Variants in ZNF208 observed in about 807,000 individuals in gnomAD.
The protein encoded by ZNF208 is zinc finger protein 95.
ZNF208 carries 10 observed loss-of-function variants against 12.1 expected under a neutral mutation model. The ratio of observed to expected loss-of-function variants is 0.83; its 90% CI spans 0.51 to 1.40. The LOEUF is 1.40. ZNF208 is among the 40% of genes most tolerant of loss of function. The pLI, the probability that ZNF208 is intolerant of heterozygous loss-of-function variation, is 0.00. For missense variants in ZNF208, 1,652 were observed against 1,485.0 expected (o/e 1.11, Z -1.85); for synonymous variants, 497 against 488.4 (o/e 1.02, Z -0.23).
chr19:21,977,852 G>C, intron 3 of ZNF208, among the ~76,000 whole-genome samples: 1 of 152,236 alleles, frequency 6.6e-6, no homozygotes, highest in East Asian at 1.9e-4. Context: ...CTGGCTGCAA[G>C]CACAGCAGTC....
chr19:21,990,449 GATAT>G (rs1970712246), intron 1 of ZNF208, among the ~76,000 whole-genome samples: 1 of 24,792 alleles, frequency 4.0e-5, no homozygotes, highest in East Asian at 2.1e-3. Context: ...CTATATCTCT[GATAT>G]CTCTGTTTTG....
intron 4 of ZNF208, among the ~76,000 whole-genome samples, chr19:21,955,036 A>G (rs1027276638): frequency 3.2e-4 from 49 of 152,202 alleles, no homozygotes; most frequent in Admixed American, 2.0e-4. Flanking sequence ...GGTGGTGACA[A>G]AATCTCTCAG....
Position 21,973,474 on chromosome 19 carries a change from A to G in ZNF208, c.1560T>C (p.Thr520=), listed in dbSNP as rs776394652. Residue 520 remains threonine, a synonymous_variant, in exon 4 of 4, where the codon ACT becomes ACC. Transcript: ENST00000397126. ...SNLMEHKRIH[T]GEKPYKCEEC... ...CTTCACATTTGTAGGGTTTCTCTCC[A>G]GTATGAATTCTCTTATGTTCCATAA... The G allele has an allele frequency of 3.7e-6, 6 of 1,613,204 alleles. No individual in the cohort carries two copies. Among genetic ancestry groups the G allele is most frequent in the Non-Finnish European group, 5.1e-6 (6 of 1,179,858 alleles).
At chr19:21,962,161 A>C (rs987620715), downstream of ZNF208, among the ~76,000 whole-genome samples, 23 of 152,126 alleles carry the variant, frequency 1.5e-4, no homozygotes, top group African/African-American at 5.6e-4. Context: ...AAATCTTCAC[A>C]ATTTATGTTC....
intron 4 of ZNF208, among the ~76,000 whole-genome samples, chr19:21,948,166 A>G (rs1475021382): frequency 2.0e-5 from 3 of 152,242 alleles, no homozygotes; most frequent in Admixed American, 2.0e-4. Context: ...TACAGTTTGC[A>G]TTCCCCTCTA....
Position 21,942,816 on chromosome 19 carries a change from T to C in ZNF208, c.306-9579A>G, listed in dbSNP as rs1209849079. Among the ~76,000 whole-genome samples the C allele has an allele frequency of 2.0e-5, 3 of 152,016 alleles. No individual in the cohort carries two copies. In the East Asian group the frequency reaches 5.8e-4, roughly 29 times the overall value. ...GGTACACACCACCACAGCCAGCTAA[T>C]TTTTTTGTATTTTTAGTAGAGATGG... is the stretch of plus-strand genomic sequence containing the variant. On this transcript the variant is annotated intron_variant, in intron 4 of 4. Transcript: ENST00000599916.
chr19:21,982,109 C>A (rs920484380), intron 3 of ZNF208, among the ~76,000 whole-genome samples: 1 of 151,982 alleles, frequency 6.6e-6, no homozygotes, highest in African/African-American at 2.4e-5. Context: ...TGTAATCCCA[C>A]CATTTTGGGA....
intron 1 of ZNF208, among the ~76,000 whole-genome samples, chr19:22,005,036 T>C (rs1383286026): frequency 6.6e-6 from 1 of 152,196 alleles, no homozygotes; most frequent in African/African-American, 2.4e-5. Flanking sequence ...TCTGGGTCCA[T>C]GCAGGCAGAT....
At chr19:21,947,992 TGCTC>T (rs1183033806) in intron 4 of ZNF208, among the ~76,000 whole-genome samples, 1 of 152,088 alleles carries the variant, frequency 6.6e-6, no homozygotes, top group African/African-American at 2.4e-5. Flanking sequence ...GTGAAGGTCA[TGCTC>T]GCATCCATGG....
chr19:21,941,123 C>T (rs1339587956), intron 4 of ZNF208: 1 of 375,262 alleles, frequency 2.7e-6, no homozygotes, highest in African/African-American at 2.1e-5. Context: ...AAATGTCAGA[C>T]GCCAAGAACA....
intron 4 of ZNF208, among the ~76,000 whole-genome samples, chr19:21,953,091 T>C (rs1376433723): frequency 6.6e-6 from 1 of 151,820 alleles, no homozygotes; most frequent in Non-Finnish European, 1.5e-5. Flanking sequence ...ATTAATGAAA[T>C]AAAATGAGAA....
In ZNF208 at chr19:21,967,599, T is replaced by G. The variant is rs1189460511; in HGVS notation, c.*3592A>C. The G allele has an allele frequency of 6.6e-6, 1 of 152,148 alleles. No homozygotes were observed. The highest frequency in any genetic ancestry group is 1.5e-5 in the Non-Finnish European group (1 of 68,052). The allele number at this position is 152,148 out of a possible 1,614,324, so 9.4% of individuals were successfully genotyped here. On this transcript the variant is annotated 3_prime_UTR_variant, in exon 4 of 4. Coordinates refer to ENST00000397126, the MANE Select transcript of ZNF208 (RefSeq NM_007153.3). The stretch of plus-strand genomic sequence containing the variant: ...GCAGGTTTCACCATGTTGGCCAGGC[T>G]GGTCTCAAACTTCTGACCTCAGGTG...
intron 1 of ZNF208, among the ~76,000 whole-genome samples, chr19:22,010,301 C>T (rs1163350839): frequency 6.6e-6 from 1 of 152,242 alleles, no homozygotes; most frequent in Non-Finnish European, 1.5e-5. Flanking sequence ...CAAACCCCTT[C>T]AATAGACCAT....
intron 3 of ZNF208, among the ~76,000 whole-genome samples, chr19:21,976,736 T>C (rs1970437689): frequency 6.6e-6 from 1 of 152,142 alleles, no homozygotes; most frequent in Non-Finnish European, 1.5e-5. Flanking sequence ...AATTTCTGCA[T>C]TGGTAGTAGA....
At chr19:21,995,748 A>T (rs187661252) in intron 1 of ZNF208, among the ~76,000 whole-genome samples, 2 of 152,192 alleles carry the variant, frequency 1.3e-5, no homozygotes, top group Non-Finnish European at 2.9e-5. Context: ...GGCTCTGGAT[A>T]CTTTGTGGTC....
chr19:21,986,805 A>C (rs1191716372), intron 3 of ZNF208: 1 of 375,954 alleles, frequency 2.7e-6, no homozygotes, highest in Non-Finnish European at 4.7e-6. Flanking sequence ...TGAACAAAAA[A>C]ACCCCAAAGA....
At chr19:21,982,689 A>G (rs1465811305) in intron 3 of ZNF208, among the ~76,000 whole-genome samples, 1 of 152,086 alleles carries the variant, frequency 6.6e-6, no homozygotes, top group Non-Finnish European at 1.5e-5. Context: ...GAACAGAACA[A>G]AGGCCTCAGA....
Position 21,987,284 on chromosome 19 carries a change from A to G in ZNF208, c.158T>C (p.Ile53Thr). 1 of 1,612,686 alleles carries G rather than the reference A, an allele frequency of 6.2e-7. No homozygotes were observed. The highest frequency in any genetic ancestry group is 1.3e-5 in the African/African-American group (1 of 74,946). The change falls in exon 3 of 4, where the codon ATC (isoleucine) becomes ACC (threonine). Residue 53 changes from isoleucine to threonine, a missense_variant. Ile to Thr is a moderately conservative substitution (Grantham distance 89). Transcript: ENST00000397126. ...LGIAAFKPDLIIFLEEGKESW... is the reference protein window; with the variant it reads ...LGIAAFKPDLTIFLEEGKESW... Reference sequence around the variant, plus strand: ...CTCTTTTCCTTCCTCCAGAAAAATGATCAGGTCTGGCTTAAAGGCAGCAAT... The same window carrying G: ...CTCTTTTCCTTCCTCCAGAAAAATGGTCAGGTCTGGCTTAAAGGCAGCAAT...
At chr19:22,003,652 C>A (rs1425908627) in intron 1 of ZNF208, among the ~76,000 whole-genome samples, 8 of 152,180 alleles carry the variant, frequency 5.3e-5, no homozygotes, top group Non-Finnish European at 1.2e-4. Context: ...TGAGAATGGC[C>A]ATTATTATAA....
Sources: gnomAD v4.1 joint callset for allele counts (sites outside exome capture counted in the v4.1 genomes callset) on GRCh38, gnomAD v4.1.1 for gene constraint, MANE v1.5 for transcripts, NCBI Gene and HGNC (gene_info 2026-07-23, HGNC 2026-07-21) for gene names.